The following GABRB1 variants were observed in gnomAD, a reference collection of about 807,000 sequenced individuals.
GABRB1 encodes the protein gamma-aminobutyric acid receptor subunit beta-1.
Under a neutral mutation model 51.6 loss-of-function variants are expected in GABRB1, and 17 were observed. The observed-to-expected ratio is 0.33, with a 90% confidence interval of 0.23 to 0.49. GABRB1 has a LOEUF of 0.49. Ranked by LOEUF, GABRB1 falls within the 20% of genes least tolerant of loss-of-function variation. The probability of loss-of-function intolerance (pLI) is 0.99; values close to 1 mark genes in which losing one functional copy is unlikely to be tolerated. For synonymous variants in GABRB1, 247 were observed against 218.9 expected (o/e 1.13, Z -1.14); for missense variants, 410 against 600.6 (o/e 0.68, Z 3.32).
At chr4:47,197,673 G>A (rs114298691) in intron 4 of GABRB1, among the ~76,000 whole-genome samples, 411 of 152,288 alleles carry the variant, frequency 2.7e-3, no homozygotes, top group Middle Eastern at 0.02. Flanking sequence ...TTGAAGTAAG[G>A]AGTCATATCC....
rs1051915210 is a variant in GABRB1, at chr4:47,023,144, A to G, written c.-19-8770A>G. 8.6e-5 allele frequency among the ~76,000 whole-genome samples: 13 copies of G among 152,000 alleles called. No homozygotes were observed. In the South Asian group the frequency reaches 1.0e-3, roughly 12 times the overall value. ...AATCAAAGCAATTGAACTCATGGAC[A>G]TAGAGAGTAGAAGGATGGTTACCAG... On this transcript the variant is annotated intron_variant, in intron 1 of 3. Coordinates refer to the GABRB1 transcript ENST00000513567.
At chr4:47,161,584 G>A (rs1049542379) in intron 4 of GABRB1, 115 bp downstream of exon 4, 1 of 761,906 alleles carries the variant, frequency 1.3e-6, no homozygotes. Context: ...ATATAAATGG[G>A]GTGTCATATA....
intron 3 of GABRB1, among the ~76,000 whole-genome samples, chr4:47,046,826 G>T (rs1267596542): frequency 1.3e-5 from 2 of 152,068 alleles, no homozygotes; most frequent in Non-Finnish European, 2.9e-5. Flanking sequence ...AAAATAATGA[G>T]ATCATGTCCT....
intron 4 of GABRB1, among the ~76,000 whole-genome samples, chr4:47,308,304 A>G (rs938579407): frequency 6.6e-6 from 1 of 152,086 alleles, no homozygotes; most frequent in Non-Finnish European, 1.5e-5. Context: ...GAAAAGACAT[A>G]CTACAATGCT....
chr4:47,306,847 A>G (rs1317635054), intron 4 of GABRB1, among the ~76,000 whole-genome samples: 1 of 152,146 alleles, frequency 6.6e-6, no homozygotes, highest in African/African-American at 2.4e-5. Context: ...TCCAGTGTAT[A>G]TGCACTAGAG....
chr4:47,413,113 A>G (rs533360371), intron 8 of GABRB1, among the ~76,000 whole-genome samples: 1 of 152,312 alleles, frequency 6.6e-6, no homozygotes, highest in Non-Finnish European at 1.5e-5. Flanking sequence ...CAACTTGCTT[A>G]TCTATGTCTA....
chr4:47,113,495 C>T (rs1715326057), intron 3 of GABRB1, among the ~76,000 whole-genome samples: 6 of 149,780 alleles, frequency 4.0e-5, no homozygotes. Flanking sequence ...TAGAAATATA[C>T]AAAATGAGAA....
chr4:47,276,853 A>G (rs1403989953), intron 4 of GABRB1, among the ~76,000 whole-genome samples: 1 of 152,016 alleles, frequency 6.6e-6, no homozygotes, highest in Admixed American at 6.6e-5. Context: ...CCTAGTCATG[A>G]CAATCAAAAG....
intron 4 of GABRB1, among the ~76,000 whole-genome samples, chr4:47,290,771 T>C (rs556847579): frequency 6.6e-6 from 1 of 152,276 alleles, no homozygotes; most frequent in East Asian, 1.9e-4. Flanking sequence ...TCGGTGGAAC[T>C]GTGAACTCCA....
chr4:47,006,028 C>A lies in GABRB1; in HGVS notation c.-20+12102C>A, dbSNP rs150143176. ...TTTTTCACATCTTCTAATAAAGAAGCAATAATTTCTTTTGTTTTATTTTGC... is the reference window on the plus strand; with the variant it reads ...TTTTTCACATCTTCTAATAAAGAAGAAATAATTTCTTTTGTTTTATTTTGC... On this transcript the variant is annotated intron_variant, in intron 1 of 3. Transcript: ENST00000513567. 9.1e-3 allele frequency among the ~76,000 whole-genome samples: 1,375 copies of A among 150,312 alleles called. 18 individuals carry two copies. The highest frequency in any genetic ancestry group is 0.031 in the African/African-American group (1,277 of 41,048).
intron 8 of GABRB1, among the ~76,000 whole-genome samples, chr4:47,425,240 A>G (rs1729228562): frequency 6.6e-6 from 1 of 152,218 alleles, no homozygotes; most frequent in Non-Finnish European, 1.5e-5. Flanking sequence ...GTTTGCAAGT[A>G]TATATGAATA....
chr4:47,317,179 A>G lies in GABRB1; in HGVS notation c.462-2948A>G, dbSNP rs115373150. Among the ~76,000 whole-genome samples the G allele has an allele frequency of 1.5e-3, 228 of 152,012 alleles. 2 individuals carry two copies. The highest frequency in any genetic ancestry group is 5.3e-3 in the African/African-American group (219 of 41,538). ...TTAACAGCATCTCTGGGCTCCATCT[A>G]CTAGATTCCAGTTTCAAACTTTTAG... On this transcript the variant is annotated intron_variant, in intron 4 of 8. Coordinates refer to ENST00000295454, the MANE Select transcript of GABRB1 (RefSeq NM_000812.4).
At chr4:47,136,780 C>T (rs1480683472) in intron 3 of GABRB1, among the ~76,000 whole-genome samples, 1 of 152,044 alleles carries the variant, frequency 6.6e-6, no homozygotes, top group African/African-American at 2.4e-5. Flanking sequence ...TCCATATATG[C>T]ATACTTTATC....
In GABRB1 at chr4:47,376,541, G is replaced by C. The variant is rs536402038; in HGVS notation, c.545-26777G>C. On this transcript the variant is annotated intron_variant, in intron 5 of 8. Coordinates refer to ENST00000295454, the MANE Select transcript of GABRB1 (RefSeq NM_000812.4). ...GGCCGCCTGTAGTCCCAGCTACTTG[G>C]GGGGCTGAGGCAGGAGAATGGCGTG... is the stretch of plus-strand genomic sequence containing the variant. Among the ~76,000 whole-genome samples the C allele has an allele frequency of 3.2e-3, 492 of 152,300 alleles. 3 individuals are homozygous for C. The highest frequency in any genetic ancestry group is 5.8e-3 in the Non-Finnish European group (394 of 68,032).
intron 3 of GABRB1, among the ~76,000 whole-genome samples, chr4:47,113,386 CA>C (rs760542350): frequency 1.3e-3 from 137 of 107,070 alleles, no homozygotes; most frequent in East Asian, 7.1e-3. Context: ...ACTTCGTCTC[CA>C]AAAAAAAAAA....
At chr4:47,040,606 T>C (rs900603493) in intron 3 of GABRB1, among the ~76,000 whole-genome samples, 1 of 151,966 alleles carries the variant, frequency 6.6e-6, no homozygotes, top group Non-Finnish European at 1.5e-5. Context: ...GGAAAAAAAA[T>C]TAGAGTATAT....
chr4:47,322,813 A>T (rs779092263), intron 5 of GABRB1, among the ~76,000 whole-genome samples: 17 of 152,156 alleles, frequency 1.1e-4, no homozygotes, highest in Non-Finnish European at 1.8e-4. Context: ...TCTACTAAAA[A>T]TACAAAAATT....
At chr4:47,422,913 T>C (rs1419443056) in intron 8 of GABRB1, among the ~76,000 whole-genome samples, 1 of 152,176 alleles carries the variant, frequency 6.6e-6, no homozygotes, top group Admixed American at 6.5e-5. Context: ...ACAAATCTAA[T>C]CAGTTGCCAA....
chr4:47,056,354 G>T (rs776112033), intron 3 of GABRB1, among the ~76,000 whole-genome samples: 1 of 152,058 alleles, frequency 6.6e-6, no homozygotes, highest in African/African-American at 2.4e-5. Context: ...CACTGCTTTT[G>T]TTTCACTCTT....
Sources: allele counts gnomAD v4.1 joint callset (sites outside exome capture counted in the v4.1 genomes callset), GRCh38; gene constraint gnomAD v4.1.1; transcripts MANE v1.5; gene names NCBI Gene and HGNC (gene_info 2026-07-23, HGNC 2026-07-21).